The following CUBN variants were observed in gnomAD, a reference collection of about 807,000 sequenced individuals.
CUBN encodes the protein 460 kDa receptor.
In CUBN, 282 loss-of-function variants were observed where a neutral mutation model predicts 405.3. The observed-to-expected ratio is 0.70, with a 90% confidence interval of 0.63 to 0.77. The LOEUF is 0.77. CUBN is among the 30% of genes least tolerant of loss of function. The probability of loss-of-function intolerance (pLI) is 0.00; values close to 1 mark genes in which losing one functional copy is unlikely to be tolerated. For synonymous variants in CUBN, 1,684 were observed against 1,617.0 expected (o/e 1.04, Z -0.99); for missense variants, 4,514 against 4,475.2 (o/e 1.01, Z -0.25).
At chr10:17,123,289 A>G in intron 5 of CUBN, 1 of 486,172 alleles carries the variant, frequency 2.1e-6, no homozygotes, top group Non-Finnish European at 3.7e-6. Context: ...GTATGTCAAG[A>G]TTTGTTTGGT....
intron 14 of CUBN, among the ~76,000 whole-genome samples, chr10:17,096,605 T>A (rs1387918781): frequency 6.6e-6 from 1 of 152,098 alleles, no homozygotes; most frequent in Non-Finnish European, 1.5e-5. Flanking sequence ...AATATTTTTT[T>A]AAATCAGTAA....
intron 62 of CUBN, among the ~76,000 whole-genome samples, chr10:16,838,667 C>T (rs183175264): frequency 5.3e-5 from 8 of 152,270 alleles, no homozygotes; most frequent in South Asian, 2.1e-4. Context: ...GTTGTTGAGA[C>T]GAAGTCTCAC....
At chr10:16,887,235 A>G (rs1229707570) in intron 56 of CUBN, among the ~76,000 whole-genome samples, 1 of 152,250 alleles carries the variant, frequency 6.6e-6, no homozygotes, top group Non-Finnish European at 1.5e-5. Flanking sequence ...TAAACTTTAA[A>G]TGCAAGTGAA....
At chr10:17,024,665 A>C (rs1588592331) in intron 27 of CUBN, among the ~76,000 whole-genome samples, 1 of 152,120 alleles carries the variant, frequency 6.6e-6, no homozygotes, top group South Asian at 2.1e-4. Flanking sequence ...TACCATGCCC[A>C]GCTACTTTTT....
At chr10:16,829,943 T>G (rs967685547) in intron 65 of CUBN, among the ~76,000 whole-genome samples, 2 of 143,044 alleles carry the variant, frequency 1.4e-5, no homozygotes, top group East Asian at 2.1e-4. Context: ...TTTTGTTTTG[T>G]TTTTTTTTTT....
At chr10:17,121,455 C>T (rs946658841) in intron 6 of CUBN, among the ~76,000 whole-genome samples, 2 of 145,982 alleles carry the variant, frequency 1.4e-5, no homozygotes, top group African/African-American at 5.1e-5. Flanking sequence ...GACAAAAAAC[C>T]AAACACCGCA....
chr10:17,119,420 G>T (rs1836982715), intron 6 of CUBN, among the ~76,000 whole-genome samples: 1 of 152,228 alleles, frequency 6.6e-6, no homozygotes, highest in African/African-American at 2.4e-5. Context: ...AGCACTTTGG[G>T]TGGCTGAAGC....
intron 29 of CUBN, among the ~76,000 whole-genome samples, chr10:16,988,160 C>T (rs74686904): frequency 0.028 from 4,197 of 152,266 alleles, 203 homozygotes; most frequent in African/African-American, 0.096. Flanking sequence ...ACAATTGGCC[C>T]ATTTATAATT....
chr10:16,903,712 A>G (rs1841471027), intron 51 of CUBN, among the ~76,000 whole-genome samples: 1 of 148,214 alleles, frequency 6.7e-6, no homozygotes, highest in African/African-American at 2.4e-5. Flanking sequence ...AAAATTTAAT[A>G]ATTTTAAAAT....
At position 16,831,086 on chromosome 10, in the gene CUBN, C is replaced by CA. The variant is rs971747478; in HGVS notation, c.10528+165dup. Among the ~76,000 whole-genome samples, 555 of 141,506 alleles carry CA rather than the reference C, an allele frequency of 3.9e-3. 2 individuals are homozygous for CA. The highest frequency in any genetic ancestry group is 0.011 in the African/African-American group (444 of 38,846). 92.8% of individuals were successfully genotyped at this position (141,506 alleles called of 152,430 possible). A position where few individuals can be genotyped will look rare whatever the true frequency, so the allele number is the denominator to read the frequency against. On this transcript the variant is annotated intron_variant, in intron 65 of 66. Coordinates refer to ENST00000377833, the MANE Select transcript of CUBN (RefSeq NM_001081.4). ...TGGATGACACAGCGAGATTCCATTTCAAAAAAAAAAAAGTAATCTGTACTT... is the reference window on the plus strand; with the variant it reads ...TGGATGACACAGCGAGATTCCATTTCAAAAAAAAAAAAAGTAATCTGTACTT...
chr10:16,851,926 C>A (rs1839708776), intron 59 of CUBN, among the ~76,000 whole-genome samples: 1 of 129,072 alleles, frequency 7.7e-6, no homozygotes, highest in South Asian at 2.9e-4. Context: ...CCCTCCCTCC[C>A]TCTATCTTTC....
chr10:16,905,764 T>C (rs1470544729), intron 50 of CUBN, among the ~76,000 whole-genome samples: 1 of 152,150 alleles, frequency 6.6e-6, no homozygotes, highest in Non-Finnish European at 1.5e-5. Context: ...GGATCGTGTG[T>C]ACCTATGTTA....
In CUBN at chr10:17,065,562, C is replaced by T. The variant is rs376195863; in HGVS notation, c.3085G>A (p.Asp1029Asn). The part of the protein sequence containing the change: ...SLMLVFVTDS[D>N]LAYEGFLINY... ...ATTAAGAAGCCTTCATAAGCGAGGT[C>T]GGAGTCAGTCACAAACACCAGCATC... The change falls in exon 22 of 67, where the codon GAC becomes AAC. Residue 1029 changes from aspartate to asparagine, a missense_variant. Physicochemically the swap from Asp to Asn is conservative, Grantham distance 23. Coordinates refer to ENST00000377833, the MANE Select transcript of CUBN (RefSeq NM_001081.4). The T allele has an allele frequency of 2.0e-5, 33 of 1,613,436 alleles. No homozygotes were observed. Among genetic ancestry groups the T allele is most frequent in the Admixed American group, 2.0e-4 (12 of 59,968 alleles).
At position 17,016,835 on chromosome 10, in the gene CUBN, T is replaced by C. The variant is rs147910078; in HGVS notation, c.4168+2998A>G. 6.0e-3 allele frequency among the ~76,000 whole-genome samples: 906 copies of C among 152,222 alleles called. 4 individuals are homozygous for C. The highest frequency in any genetic ancestry group is 0.011 in the Non-Finnish European group (743 of 68,020). ...GAAAGGTCCTCCTGTGGGATGTAAA[T>C]TGCAAGCTTTGCATAGTTGTGTATT... On this transcript the variant is annotated intron_variant, in intron 28 of 66. Transcript: ENST00000377833.
Position 16,920,140 on chromosome 10 carries a change from G to A in CUBN, c.6647-3C>T. 6.2e-7 allele frequency: 1 copy of A among 1,613,858 alleles called. No individual in the cohort carries two copies. Among genetic ancestry groups the A allele is most frequent in the East Asian group, 2.2e-5 (1 of 44,876 alleles). ...GATGTAGACGTTGCCCCCACAGGCT[G>A]TGAGCAAACACACTTAAATCAGTCT... On this transcript the variant is annotated splice_polypyrimidine_tract_variant and splice_region_variant and intron_variant, in intron 43 of 66. Coordinates refer to ENST00000377833, the MANE Select transcript of CUBN (RefSeq NM_001081.4).
chr10:16,984,401 G>A, intron 29 of CUBN, 122 bp from the exon 30 acceptor site: 5 of 967,282 alleles, frequency 5.2e-6, no homozygotes, highest in Non-Finnish European at 8.0e-6. Context: ...TGAAATCTCA[G>A]CCTCCCTGGG....
chr10:17,081,239 G>C (rs191498867), intron 17 of CUBN, among the ~76,000 whole-genome samples: 9 of 152,274 alleles, frequency 5.9e-5, no homozygotes, highest in Admixed American at 5.9e-4. Context: ...GGATATGTTT[G>C]CCTGGCAACC....
chr10:17,129,540 A>G, intron 1 of CUBN, 104 bp downstream of exon 1: 1 of 1,464,176 alleles, frequency 6.8e-7, no homozygotes. Context: ...TCTCAACATA[A>G]TTTTCCTCAA....
At chr10:17,111,074 A>C in intron 8 of CUBN, 24 bp from the exon 9 acceptor site, 2 of 1,613,870 alleles carry the variant, frequency 1.2e-6, no homozygotes. Context: ...AGGATTTAAA[A>C]GTTTAGCTCT....
Sources: allele counts gnomAD v4.1 joint callset (sites outside exome capture counted in the v4.1 genomes callset), GRCh38; gene constraint gnomAD v4.1.1; transcripts MANE v1.5; gene names NCBI Gene and HGNC (gene_info 2026-07-23, HGNC 2026-07-21).